The following RBFOX2 variants were observed in gnomAD, a reference collection of about 807,000 sequenced individuals.
The protein encoded by RBFOX2 is RNA binding fox-1 homolog 2, also known as RNA binding protein fox-1 homolog 2.
In RBFOX2, 10 loss-of-function variants were observed where a neutral mutation model predicts 49.1. The ratio of observed to expected loss-of-function variants is 0.20; its 90% CI spans 0.13 to 0.35. The LOEUF is 0.35. Among genes scored for constraint, RBFOX2 ranks in the 10% least tolerant of loss-of-function variants. The probability of loss-of-function intolerance (pLI) is 1.00; values close to 1 mark genes in which losing one functional copy is unlikely to be tolerated. For synonymous variants in RBFOX2, 183 were observed against 187.4 expected (o/e 0.98, Z 0.19); for missense variants, 323 against 486.9 (o/e 0.66, Z 3.17).
chr22:35,941,855 T>C (rs2053721796), upstream of RBFOX2, among the ~76,000 whole-genome samples: 1 of 152,222 alleles, frequency 6.6e-6, no homozygotes, highest in Non-Finnish European at 1.5e-5. Flanking sequence ...CCACCTGCCT[T>C]AGCACTCTTC....
intron 1 of RBFOX2, among the ~76,000 whole-genome samples, chr22:35,867,296 A>T (rs2043804406): frequency 1.3e-5 from 2 of 152,220 alleles, no homozygotes; most frequent in African/African-American, 4.8e-5. Flanking sequence ...ATCTCAAAAC[A>T]AAGTTTAATG....
At chr22:35,782,192 C>T (rs2084292749) in intron 2 of RBFOX2, among the ~76,000 whole-genome samples, 1 of 152,162 alleles carries the variant, frequency 6.6e-6, no homozygotes. Flanking sequence ...CTCAGGCTCT[C>T]TCAAGGAAAT....
At chr22:35,950,853 C>A (rs1487258003) in intron 1 of RBFOX2, among the ~76,000 whole-genome samples, 1 of 151,354 alleles carries the variant, frequency 6.6e-6, no homozygotes, top group African/African-American at 2.4e-5. Context: ...TATTATATTT[C>A]TTATTATAGA....
At chr22:35,897,861 C>G (rs1461212836) in intron 1 of RBFOX2, 1 of 736,362 alleles carries the variant, frequency 1.4e-6, no homozygotes, top group Non-Finnish European at 2.5e-6. Flanking sequence ...CCTTCTTTCT[C>G]AAATATCTAG....
chr22:35,960,674 G>A (rs1309033548), intron 1 of RBFOX2, among the ~76,000 whole-genome samples: 1 of 152,094 alleles, frequency 6.6e-6, no homozygotes, highest in East Asian at 1.9e-4. Flanking sequence ...ATCTTCAAAT[G>A]GGGTAAAAGC....
intron 1 of RBFOX2, among the ~76,000 whole-genome samples, chr22:35,913,243 G>C (rs752438475): frequency 1.6e-4 from 24 of 152,062 alleles, no homozygotes; most frequent in Admixed American, 3.3e-4. Context: ...AGAGGCAGAG[G>C]AGGAAAGGAA....
At chr22:35,750,875 CCAG>C (rs1934649294) in intron 9 of RBFOX2, among the ~76,000 whole-genome samples, 2 of 152,290 alleles carry the variant, frequency 1.3e-5, no homozygotes, top group Admixed American at 6.5e-5. Flanking sequence ...ACTTCAAGTT[CCAG>C]CTTCTTCAAA....
At chr22:36,016,802 T>C (rs2059053187) in intron 1 of RBFOX2, among the ~76,000 whole-genome samples, 1 of 152,262 alleles carries the variant, frequency 6.6e-6, no homozygotes, top group South Asian at 2.1e-4. Flanking sequence ...GTATTTATCA[T>C]GTGTCCTGTG....
At chr22:35,930,351 C>A (rs1297075684) in intron 1 of RBFOX2, among the ~76,000 whole-genome samples, 1 of 151,808 alleles carries the variant, frequency 6.6e-6, no homozygotes, top group Non-Finnish European at 1.5e-5. Flanking sequence ...CAGCCAAATA[C>A]ATATTTATAT....
chr22:35,911,265 A>G (rs1279416727), intron 1 of RBFOX2, among the ~76,000 whole-genome samples: 1 of 152,212 alleles, frequency 6.6e-6, no homozygotes, highest in Non-Finnish European at 1.5e-5. Flanking sequence ...TGTAAAAGCC[A>G]TCTCCTACAG....
chr22:35,939,071 G>C (rs2053424370), upstream of RBFOX2: 6 of 705,970 alleles, frequency 8.5e-6, no homozygotes, highest in Non-Finnish European at 1.3e-5. Context: ...CTCTACACTG[G>C]CAAAAACAAA....
chr22:36,027,950 A>G (rs1209146505), intron 1 of RBFOX2, among the ~76,000 whole-genome samples: 2 of 152,112 alleles, frequency 1.3e-5, no homozygotes, highest in Admixed American at 1.3e-4. Flanking sequence ...AAGGATTTGA[A>G]AAAATGGAAT....
At chr22:35,782,999 AC>A (rs1249143104) in intron 2 of RBFOX2, among the ~76,000 whole-genome samples, 1 of 152,094 alleles carries the variant, frequency 6.6e-6, no homozygotes, top group Admixed American at 6.6e-5. Context: ...ATGTGCCTGC[AC>A]TCTGTTATTT....
intron 1 of RBFOX2, chr22:36,000,604 A>G (rs1211094689): frequency 2.0e-5 from 3 of 152,200 alleles, no homozygotes; most frequent in African/African-American, 7.2e-5. Context: ...AAGAAAAAAA[A>G]AGAGAGACGA....
intron 1 of RBFOX2, chr22:35,898,496 A>G: frequency 3.4e-6 from 1 of 296,296 alleles, no homozygotes; most frequent in Non-Finnish European, 6.2e-6. Context: ...CGTGATCTCG[A>G]CTCATCGCAA....
chr22:35,849,330 C>CACAA (rs2041632023), intron 1 of RBFOX2, among the ~76,000 whole-genome samples: 1 of 150,084 alleles, frequency 6.7e-6, no homozygotes, highest in Non-Finnish European at 1.5e-5. Context: ...CACACACACA[C>CACAA]ACAGACACAC....
chr22:35,961,725 A>C, upstream of RBFOX2: 5 of 1,269,578 alleles, frequency 3.9e-6, no homozygotes, highest in Non-Finnish European at 5.2e-6. Context: ...CAGGATACAC[A>C]AAAAGGTTTT....
intron 1 of RBFOX2, chr22:35,897,436 G>T: frequency 1.2e-6 from 1 of 854,488 alleles, no homozygotes; most frequent in Non-Finnish European, 2.1e-6. Context: ...ATGTGAATAC[G>T]CTCCACTTTA....
At chr22:36,001,014 G>C (rs1218682006) in intron 1 of RBFOX2, among the ~76,000 whole-genome samples, 4 of 152,084 alleles carry the variant, frequency 2.6e-5, no homozygotes, top group African/African-American at 9.7e-5. Context: ...ATAAATGATA[G>C]CATCAAAACT....
Sources: allele counts gnomAD v4.1 joint callset (sites outside exome capture counted in the v4.1 genomes callset), GRCh38; gene constraint gnomAD v4.1.1; transcripts MANE v1.5; gene names NCBI Gene and HGNC (gene_info 2026-07-23, HGNC 2026-07-21).